Variants in ZMAT4 observed in about 807,000 individuals in gnomAD.
ZMAT4 encodes zinc finger matrin-type 4.
ZMAT4 carries 17 observed loss-of-function variants against 28.7 expected under a neutral mutation model. The observed-to-expected ratio is 0.59, with a 90% confidence interval of 0.41 to 0.89. The LOEUF is 0.89. ZMAT4 is among the 40% of genes least tolerant of loss of function. The pLI is 0.00. For synonymous variants in ZMAT4, 117 were observed against 109.2 expected (o/e 1.07, Z -0.44); for missense variants, 240 against 283.8 (o/e 0.85, Z 1.11).
intron 3 of ZMAT4, among the ~76,000 whole-genome samples, chr8:40,764,700 G>A (rs1043061063): frequency 2.0e-5 from 3 of 152,158 alleles, no homozygotes; most frequent in Non-Finnish European, 4.4e-5. Flanking sequence ...ATATCCTTCT[G>A]AGAATACAGC....
At chr8:40,837,345 G>T (rs1335902486) in intron 1 of ZMAT4, among the ~76,000 whole-genome samples, 1 of 152,192 alleles carries the variant, frequency 6.6e-6, no homozygotes, top group Non-Finnish European at 1.5e-5. Flanking sequence ...GTTCCTGGAT[G>T]ACTGTGTGGA....
rs982904103 is a variant in ZMAT4, at chr8:40,844,675, G to A, written c.-4-18995C>T. On this transcript the variant is annotated intron_variant, in intron 1 of 6. Coordinates refer to ENST00000297737, the MANE Select transcript of ZMAT4 (RefSeq NM_024645.3). Reference sequence around the variant, plus strand: ...TCTCATTCTGTGTGTGTGTGTGTGTGTGTGTGTGTGTGTGTGTGTGTGTTC... The same window carrying A: ...TCTCATTCTGTGTGTGTGTGTGTGTATGTGTGTGTGTGTGTGTGTGTGTTC... Among the ~76,000 whole-genome samples, 3 of 151,634 alleles carry A rather than the reference G, an allele frequency of 2.0e-5. 1 individual carries two copies. In the South Asian group the frequency reaches 6.3e-4, roughly 32 times the overall value.
intron 5 of ZMAT4, among the ~76,000 whole-genome samples, chr8:40,603,647 G>C (rs1366100468): frequency 6.6e-6 from 1 of 151,958 alleles, no homozygotes; most frequent in East Asian, 1.9e-4. Context: ...GTTTTGTTTT[G>C]AGATGGAGTC....
intron 2 of ZMAT4, among the ~76,000 whole-genome samples, chr8:40,777,448 T>C (rs886836802): frequency 6.6e-6 from 1 of 152,224 alleles, no homozygotes; most frequent in Non-Finnish European, 1.5e-5. Flanking sequence ...TTCTCTTTTC[T>C]TGAGAGAGCC....
At chr8:40,587,458 G>A (rs937789042) in intron 5 of ZMAT4, among the ~76,000 whole-genome samples, 2 of 152,120 alleles carry the variant, frequency 1.3e-5, no homozygotes, top group Admixed American at 1.3e-4. Flanking sequence ...TGTTTATAAT[G>A]TACAGGCATG....
intron 2 of ZMAT4, among the ~76,000 whole-genome samples, chr8:40,817,368 G>A (rs185047240): frequency 1.3e-5 from 2 of 152,274 alleles, no homozygotes; most frequent in Admixed American, 1.3e-4. Flanking sequence ...ATCCATTTCT[G>A]ATGTGGCCAG....
intron 6 of ZMAT4, among the ~76,000 whole-genome samples, chr8:40,567,452 C>T (rs1585694162): frequency 6.6e-6 from 1 of 152,084 alleles, no homozygotes. Context: ...GAAGAAAAGC[C>T]AGGCATGGTG....
At chr8:40,897,364 C>A (rs1818912983) in intron 1 of ZMAT4, among the ~76,000 whole-genome samples, 1 of 152,126 alleles carries the variant, frequency 6.6e-6, no homozygotes, top group African/African-American at 2.4e-5. Flanking sequence ...AACAGCACAC[C>A]CTGGGATCCA....
intron 2 of ZMAT4, among the ~76,000 whole-genome samples, chr8:40,814,362 C>T (rs2150599373): frequency 6.6e-6 from 1 of 152,274 alleles, no homozygotes; most frequent in South Asian, 2.1e-4. Flanking sequence ...GGCGGAATTA[C>T]TTGGGGGTCA....
At chr8:40,532,586 C>A (rs1270876833) in intron 6 of ZMAT4, among the ~76,000 whole-genome samples, 3 of 152,130 alleles carry the variant, frequency 2.0e-5, no homozygotes, top group Non-Finnish European at 4.4e-5. Context: ...GGTATAACTA[C>A]ATGCAGAACC....
intron 1 of ZMAT4, among the ~76,000 whole-genome samples, chr8:40,886,697 A>G (rs946828334): frequency 2.6e-5 from 4 of 152,168 alleles, no homozygotes; most frequent in Non-Finnish European, 4.4e-5. Flanking sequence ...GAATTTCTGA[A>G]CATCCCTCCT....
At chr8:40,804,188 T>C (rs114786618) in intron 2 of ZMAT4, among the ~76,000 whole-genome samples, 367 of 152,268 alleles carry the variant, frequency 2.4e-3, no homozygotes, top group Middle Eastern at 0.01. Context: ...TCCAAACCCA[T>C]AGAATATATA....
intron 6 of ZMAT4, among the ~76,000 whole-genome samples, chr8:40,569,070 G>A (rs1248251462): frequency 2.0e-5 from 3 of 152,138 alleles, no homozygotes; most frequent in Non-Finnish European, 4.4e-5. Context: ...TTTTGATTAT[G>A]GGATTAAATT....
chr8:40,835,084 C>T (rs939557810), intron 1 of ZMAT4, among the ~76,000 whole-genome samples: 9 of 152,134 alleles, frequency 5.9e-5, no homozygotes, highest in East Asian at 1.9e-4. Flanking sequence ...CCAGTCACAG[C>T]GGGCCCAAAG....
intron 2 of ZMAT4, among the ~76,000 whole-genome samples, chr8:40,812,687 T>A (rs894306801): frequency 7.2e-5 from 11 of 152,112 alleles, no homozygotes; most frequent in Non-Finnish European, 1.0e-4. Context: ...TCCCAGCACT[T>A]TGGGAGGCCG....
intron 5 of ZMAT4, among the ~76,000 whole-genome samples, chr8:40,585,906 T>C (rs2118561173): frequency 6.6e-6 from 1 of 152,320 alleles, no homozygotes; most frequent in East Asian, 1.9e-4. Flanking sequence ...AAATAGAGGT[T>C]CAGCTTGCAA....
At chr8:40,690,659 T>C (rs1427883652) in intron 4 of ZMAT4, among the ~76,000 whole-genome samples, 1 of 151,930 alleles carries the variant, frequency 6.6e-6, no homozygotes, top group African/African-American at 2.4e-5. Context: ...GAACCTAGAG[T>C]GCATGTATTA....
intron 6 of ZMAT4, among the ~76,000 whole-genome samples, chr8:40,566,490 C>T (rs935833405): frequency 6.6e-6 from 1 of 152,102 alleles, no homozygotes; most frequent in East Asian, 1.9e-4. Flanking sequence ...ATGACTTTCT[C>T]AAATTACACT....
intron 2 of ZMAT4, among the ~76,000 whole-genome samples, chr8:40,801,519 A>C (rs1323648289): frequency 6.6e-6 from 1 of 151,530 alleles, no homozygotes; most frequent in Non-Finnish European, 1.5e-5. Flanking sequence ...AAATACAAAA[A>C]ATTAACTGGG....
Sources: allele counts gnomAD v4.1 joint callset (sites outside exome capture counted in the v4.1 genomes callset), GRCh38; gene constraint gnomAD v4.1.1; transcripts MANE v1.5; gene names NCBI Gene and HGNC (gene_info 2026-07-23, HGNC 2026-07-21).